The following CHSY1 variants were observed in gnomAD, a reference collection of about 807,000 sequenced individuals.
CHSY1 encodes the protein chondroitin sulfate synthase 1.
A neutral mutation model predicts 59.8 loss-of-function variants in CHSY1; 13 were observed. That is an observed-to-expected ratio of 0.22 (90% CI 0.14 to 0.35). The LOEUF (loss-of-function observed/expected upper bound fraction) is 0.35, where lower values mean the gene tolerates loss of function less well. Among genes scored for constraint, CHSY1 ranks in the 10% least tolerant of loss-of-function variants. CHSY1 has a pLI of 1.00. For missense variants in CHSY1, 947 were observed against 1,030.6 expected, an observed-to-expected ratio of 0.92 and a Z score of 1.11; for synonymous variants, 459 against 401.2, an observed-to-expected ratio of 1.14 and a Z score of -1.72.
intron 2 of CHSY1, among the ~76,000 whole-genome samples, chr15:101,204,532 G>A (rs1475577606): frequency 6.6e-6 from 1 of 151,608 alleles, no homozygotes; most frequent in Non-Finnish European, 1.5e-5. Context: ...AGGGAATTTG[G>A]GTGAAAGACT....
chr15:101,226,874 G>A (rs935032890), intron 2 of CHSY1, among the ~76,000 whole-genome samples: 2 of 152,196 alleles, frequency 1.3e-5, no homozygotes, highest in Non-Finnish European at 2.9e-5. Flanking sequence ...GCGACACTCA[G>A]CGTAATTCAT....
chr15:101,193,474 A>T (rs1488921404), intron 2 of CHSY1, among the ~76,000 whole-genome samples: 1 of 134,092 alleles, frequency 7.5e-6, no homozygotes. Flanking sequence ...AAGGGGCCAC[A>T]CCCTGGAGCA....
At chr15:101,196,229 C>CAAAAAAAAAAAAAAAAAAA (rs533785067) in intron 2 of CHSY1, among the ~76,000 whole-genome samples, 1 of 81,080 alleles carries the variant, frequency 1.2e-5, no homozygotes. Context: ...GAAGCAGTCT[C>CAAAAAAAAAAAAAAAAAAA]AAAAAAAAAA....
chr15:101,216,518 C>G (rs549468347), intron 2 of CHSY1, among the ~76,000 whole-genome samples: 1 of 152,160 alleles, frequency 6.6e-6, no homozygotes, highest in African/African-American at 2.4e-5. Flanking sequence ...ATGGTACATC[C>G]GTACGATGGA....
chr15:101,209,585 A>C (rs369511734), intron 2 of CHSY1, among the ~76,000 whole-genome samples: 113 of 152,338 alleles, frequency 7.4e-4, no homozygotes, highest in Non-Finnish European at 1.4e-3. Flanking sequence ...GGAAAAAAAA[A>C]CCTGCTAAAC....
chr15:101,251,044 A>T, intron 1 of CHSY1, 93 bp downstream of exon 1: 2 of 1,229,812 alleles, frequency 1.6e-6, no homozygotes, highest in Non-Finnish European at 2.3e-6. Flanking sequence ...AGGGCCTAGG[A>T]AGCGGGCGGA....
intron 1 of CHSY1, among the ~76,000 whole-genome samples, chr15:101,248,757 G>A (rs1454121338): frequency 6.6e-6 from 1 of 152,232 alleles, no homozygotes; most frequent in Non-Finnish European, 1.5e-5. Flanking sequence ...GTGTGAAACA[G>A]TAGTTCTAGT....
chr15:101,249,477 C>T (rs1567111347), intron 1 of CHSY1, among the ~76,000 whole-genome samples: 1 of 143,060 alleles, frequency 7.0e-6, no homozygotes, highest in African/African-American at 2.6e-5. Flanking sequence ...CTGCACTAGT[C>T]TATGTATCTC....
chr15:101,228,899 T>C (rs1020734000), intron 2 of CHSY1, among the ~76,000 whole-genome samples: 29 of 152,322 alleles, frequency 1.9e-4, no homozygotes, highest in Non-Finnish European at 2.9e-5. Flanking sequence ...AAGCAATTAT[T>C]ATAAATCTCT....
At chr15:101,233,540 T>C (rs2038911565) in intron 2 of CHSY1, among the ~76,000 whole-genome samples, 1 of 152,160 alleles carries the variant, frequency 6.6e-6, no homozygotes, top group Non-Finnish European at 1.5e-5. Flanking sequence ...TGTATTCTGC[T>C]TAAAACAGCG....
intron 2 of CHSY1, among the ~76,000 whole-genome samples, chr15:101,195,837 A>AC (rs1214648858): frequency 6.6e-6 from 1 of 151,812 alleles, no homozygotes; most frequent in Admixed American, 6.6e-5. Flanking sequence ...AAAAAAAAAA[A>AC]AAACCCTGTC....
intron 2 of CHSY1, among the ~76,000 whole-genome samples, chr15:101,199,090 C>G (rs2038541584): frequency 6.6e-6 from 1 of 152,236 alleles, no homozygotes; most frequent in South Asian, 2.1e-4. Flanking sequence ...TGCTGCTGCC[C>G]AAACCACATG....
chr15:101,215,880 A>G (rs986057181), intron 2 of CHSY1, among the ~76,000 whole-genome samples: 6 of 152,148 alleles, frequency 3.9e-5, no homozygotes, highest in African/African-American at 1.4e-4. Flanking sequence ...TGTCTTAAAA[A>G]CTTGTGCCAT....
intron 2 of CHSY1, among the ~76,000 whole-genome samples, chr15:101,217,916 G>T (rs1781425035): frequency 6.6e-6 from 1 of 152,196 alleles, no homozygotes; most frequent in Admixed American, 6.5e-5. Flanking sequence ...TAACTCTGCA[G>T]TGAAGAAACC....
intron 2 of CHSY1, among the ~76,000 whole-genome samples, chr15:101,229,550 C>T (rs529803318): frequency 6.6e-6 from 1 of 152,208 alleles, no homozygotes; most frequent in East Asian, 1.9e-4. Flanking sequence ...AAACACAGCC[C>T]TGAAATAAAA....
rs59991271 is a variant in CHSY1 at position 101,212,450 on chromosome 15, G to T, written c.816+22632C>A. Among the ~76,000 whole-genome samples, 527 of 152,300 alleles carry T rather than the reference G, an allele frequency of 3.5e-3. 3 individuals carry two copies. Among genetic ancestry groups the T allele is most frequent in the African/African-American group, 0.012 (490 of 41,570 alleles). The stretch of plus-strand genomic sequence containing the variant: ...TTTACTAAGCAATAAAAAGGAATGA[G>T]CAACTGATACACACGACTGTATGGA... On this transcript the variant is annotated intron_variant, in intron 2 of 2. Transcript: ENST00000254190.
intron 1 of CHSY1, among the ~76,000 whole-genome samples, chr15:101,241,292 T>C (rs2038999150): frequency 6.6e-6 from 1 of 152,196 alleles, no homozygotes; most frequent in South Asian, 2.1e-4. Context: ...GGTTTCACCA[T>C]GTTGGTCAGG....
In CHSY1 at chr15:101,177,711, T is replaced by C. The variant is rs1486796770; in HGVS notation, c.2086A>G (p.Thr696Ala). The C allele has an allele frequency of 6.2e-7, 1 of 1,614,084 alleles. No homozygotes were observed. The highest frequency in any genetic ancestry group is 1.3e-5 in the African/African-American group (1 of 74,918). Residue 696 changes from threonine to alanine, a missense_variant, in exon 3 of 3, where the codon ACG becomes GCG. Transcript: ENST00000254190. ...ACAAGATCTCCCTTATAAATACACGTGATGCCAAACCCATAGTTTCTCCAG... is the reference window on the plus strand; with the variant it reads ...ACAAGATCTCCCTTATAAATACACGCGATGCCAAACCCATAGTTTCTCCAG... Reference protein sequence around the residue: ...GFWRNYGFGITCIYKGDLVRV... With the variant: ...GFWRNYGFGIACIYKGDLVRV...
chr15:101,243,945 C>T (rs2141280979), intron 1 of CHSY1, among the ~76,000 whole-genome samples: 1 of 152,340 alleles, frequency 6.6e-6, no homozygotes, highest in South Asian at 2.1e-4. Context: ...TAGAAAACCA[C>T]AATTTCAATG....
Sources: allele counts gnomAD v4.1 joint callset (sites outside exome capture counted in the v4.1 genomes callset), GRCh38; gene constraint gnomAD v4.1.1; transcripts MANE v1.5; gene names NCBI Gene and HGNC (gene_info 2026-07-23, HGNC 2026-07-21).